Variants in GRAMD2A observed in about 807,000 individuals in gnomAD.
GRAMD2A encodes the protein GRAM domain containing 2A.
GRAMD2A carries 37 observed loss-of-function variants against 51.1 expected under a neutral mutation model. The ratio of observed to expected loss-of-function variants is 0.72; its 90% CI spans 0.56 to 0.95. GRAMD2A has a LOEUF of 0.95. GRAMD2A is among the 40% of genes least tolerant of loss of function. The pLI is 0.00. For synonymous variants in GRAMD2A, 136 were observed against 157.1 expected (o/e 0.87, Z 1.01); for missense variants, 414 against 426.9 (o/e 0.97, Z 0.27).
At chr15:72,195,799 A>G (rs2081800895) in intron 1 of GRAMD2A, among the ~76,000 whole-genome samples, 1 of 152,094 alleles carries the variant, frequency 6.6e-6, no homozygotes, top group African/African-American at 2.4e-5. Flanking sequence ...GCATGCCTGT[A>G]ATCCCACCTA....
At chr15:72,195,710 G>A (rs2081800066) in intron 1 of GRAMD2A, among the ~76,000 whole-genome samples, 2 of 152,166 alleles carry the variant, frequency 1.3e-5, no homozygotes, top group African/African-American at 4.8e-5. Flanking sequence ...ACCTGAGGTC[G>A]AGAGTTGGAG....
rs758961166 is a variant in GRAMD2A at position 72,163,663 on chromosome 15, G to T, written c.695C>A (p.Ser232Tyr). ...PDNIPCIPPS[S>Y]VDSTDSFFPS... ...GAAGAAACTGTCTGTGGAGTCCACG[G>T]ATGATGGAGGGATACAAGGGATGTT... Residue 232 changes from serine (S) to tyrosine (Y), a missense_variant, in exon 9 of 12, where the codon TCC (serine) becomes TAC (tyrosine). By Grantham distance (144) the Ser-to-Tyr change is moderately radical. Coordinates refer to ENST00000309731, the MANE Select transcript of GRAMD2A (RefSeq NM_001012642.3). 6.2e-7 allele frequency: 1 copy of T among 1,609,676 alleles called. No individual in the cohort carries two copies. Among genetic ancestry groups the T allele is most frequent in the South Asian group, 1.1e-5 (1 of 89,970 alleles).
At chr15:72,179,487 G>A (rs1014027271) in intron 1 of GRAMD2A, among the ~76,000 whole-genome samples, 3 of 152,230 alleles carry the variant, frequency 2.0e-5, no homozygotes, top group East Asian at 1.9e-4. Flanking sequence ...GCTCTAGAGC[G>A]AGGGAAGAGG....
At chr15:72,189,229 T>A (rs956482790) in intron 1 of GRAMD2A, among the ~76,000 whole-genome samples, 1 of 152,222 alleles carries the variant, frequency 6.6e-6, no homozygotes, top group Non-Finnish European at 1.5e-5. Flanking sequence ...AAAATCTCAT[T>A]CTTCACTACA....
chr15:72,191,057 C>A (rs1309680781), intron 1 of GRAMD2A, among the ~76,000 whole-genome samples: 2 of 152,138 alleles, frequency 1.3e-5, no homozygotes, highest in African/African-American at 4.8e-5. Flanking sequence ...GATTATAATA[C>A]ACCGAAATGA....
intron 1 of GRAMD2A, among the ~76,000 whole-genome samples, chr15:72,185,099 A>G (rs565058999): frequency 6.6e-6 from 1 of 152,290 alleles, no homozygotes; most frequent in Non-Finnish European, 1.5e-5. Flanking sequence ...GTAAAAATCA[A>G]TCGTTTTCCT....
intron 1 of GRAMD2A, among the ~76,000 whole-genome samples, chr15:72,191,652 C>G (rs2081768972): frequency 6.6e-6 from 1 of 152,152 alleles, no homozygotes; most frequent in African/African-American, 2.4e-5. Flanking sequence ...AGAGAAATAA[C>G]TGATATTATA....
In GRAMD2A at chr15:72,168,585, C is replaced by T. The variant is rs367822623; in HGVS notation, c.193-19G>A. 1.1e-5 allele frequency: 18 copies of T among 1,607,272 alleles called. No individual in the cohort carries two copies. Among genetic ancestry groups the T allele is most frequent in the Middle Eastern group, 1.7e-4 (1 of 5,746 alleles). On this transcript the variant is annotated intron_variant, in intron 3 of 11. Transcript: ENST00000309731. Reference sequence around the variant, plus strand: ...GTGTTATCTGCAAACACACAGGCTGCGTCTGAGAAGCGCTGGGAGATGAGA... The same window carrying T: ...GTGTTATCTGCAAACACACAGGCTGTGTCTGAGAAGCGCTGGGAGATGAGA...
At chr15:72,176,854 C>CTTTTTTTTT (rs60618044) in intron 1 of GRAMD2A, among the ~76,000 whole-genome samples, 1 of 72,174 alleles carries the variant, frequency 1.4e-5, no homozygotes, top group Non-Finnish European at 2.6e-5. Context: ...ACCTGCAGTG[C>CTTTTTTTTT]TTTTTTTTTT....
At chr15:72,172,908 G>C (rs2081624381) in intron 1 of GRAMD2A, among the ~76,000 whole-genome samples, 2 of 152,128 alleles carry the variant, frequency 1.3e-5, no homozygotes, top group South Asian at 4.1e-4. Context: ...TCCTCTCACA[G>C]GACAGGCCTG....
intron 8 of GRAMD2A, 168 bp from the exon 9 acceptor site, chr15:72,163,925 T>C (rs929216499): frequency 1.8e-5 from 11 of 626,430 alleles, no homozygotes; most frequent in South Asian, 1.3e-4. Flanking sequence ...ATAGCAACCA[T>C]ATGCCTCTCC....
In GRAMD2A at chr15:72,188,325, A is replaced by G. The variant is rs141348908; in HGVS notation, c.41+9406T>C. On this transcript the variant is annotated intron_variant, in intron 1 of 11. Transcript: ENST00000309731. ...GCACTCCAGCCTGGGCAACAGAGCTAGACTTCGTCTCAAAGAAAAAAAAAA... is the reference window on the plus strand; with the variant it reads ...GCACTCCAGCCTGGGCAACAGAGCTGGACTTCGTCTCAAAGAAAAAAAAAA... Among the ~76,000 whole-genome samples, 595 of 151,652 alleles carry G rather than the reference A, an allele frequency of 3.9e-3. 4 individuals are homozygous for G. In the East Asian group the frequency reaches 0.052, roughly 13 times the overall value.
intron 4 of GRAMD2A, 46 bp from the exon 5 acceptor site, chr15:72,167,885 A>G: frequency 1.5e-6 from 2 of 1,374,170 alleles, no homozygotes; most frequent in Non-Finnish European, 2.1e-6. Flanking sequence ...AGGTCAGCCC[A>G]GGAAGCCCCA....
Position 72,165,373 on chromosome 15 carries a change from G to C in GRAMD2A, c.581C>G (p.Ser194Ter), listed in dbSNP as rs201316363. Residue 194 changes from serine (S) to a stop codon, truncating the protein, a stop_gained, in exon 8 of 12, where the codon TCA becomes TGA. Coordinates refer to ENST00000309731, the MANE Select transcript of GRAMD2A (RefSeq NM_001012642.3). LOFTEE classifies it high-confidence loss of function. ...SKKSLSVREF[S>*]GEPESLEVLI... ...TCTCACCAGAGACTCAGGTTCCCCT[G>C]AAAATTCTCTTACACTCAGACTCTT... The C allele has an allele frequency of 7.2e-5, 116 of 1,614,066 alleles. No homozygotes were observed. The East Asian group carries it at 7.6e-4, about 11-fold the overall frequency.
chr15:72,180,998 G>A (rs923904144), intron 1 of GRAMD2A, among the ~76,000 whole-genome samples: 2 of 152,218 alleles, frequency 1.3e-5, no homozygotes, highest in African/African-American at 2.4e-5. Flanking sequence ...TTCTGAAGAC[G>A]TACAACATTG....
chr15:72,176,824 G>A (rs1040561073), intron 1 of GRAMD2A, among the ~76,000 whole-genome samples: 8 of 147,504 alleles, frequency 5.4e-5, no homozygotes, highest in South Asian at 2.1e-4. Context: ...AAGTGTAGCC[G>A]CTGGGTGCAC....
In GRAMD2A at chr15:72,162,310, A is replaced by G. The variant is rs750213763; in HGVS notation, c.1024T>C (p.Cys342Arg). ...FRISRLEQQL[C>R]SLSWDDPVPG... Reference sequence around the variant, plus strand: ...ACTGGGTCATCCCAACTCAAGGAGCATAACTGCTGCTCTAGCCGAGAAATA... The same window carrying G: ...ACTGGGTCATCCCAACTCAAGGAGCGTAACTGCTGCTCTAGCCGAGAAATA... Residue 342 changes from cysteine (C) to arginine (R), a missense_variant, in exon 11 of 12, where the codon TGC becomes CGC. Transcript: ENST00000309731. 7 of 1,614,034 alleles carry G rather than the reference A, an allele frequency of 4.3e-6. No individual in the cohort carries two copies. In the South Asian group the frequency reaches 5.5e-5, roughly 13 times the overall value.
chr15:72,170,104 G>A lies in GRAMD2A; in HGVS notation c.42-165C>T. 1 of 710,656 alleles carries A rather than the reference G, an allele frequency of 1.4e-6. No homozygotes were observed. Among genetic ancestry groups the A allele is most frequent in the Non-Finnish European group, 2.6e-6 (1 of 388,288 alleles). The allele number at this position is 710,656 out of a possible 1,614,324, so 44.0% of individuals were successfully genotyped here. A position where few individuals can be genotyped will look rare whatever the true frequency, so the allele number is the denominator to read the frequency against. On this transcript the variant is annotated intron_variant, in intron 1 of 11. Transcript: ENST00000309731. The surrounding 1 kb of genome is among the most constrained non-coding windows in gnomAD (Gnocchi z 4.5). ...CAGTTCAGAGGCAGCAGCGCAGGCA[G>A]AGGTTCTGGGATGGCTGACGGAGTA...
Position 72,166,742 on chromosome 15 carries a change from A to G in GRAMD2A, c.472-39T>C. 5.2e-6 allele frequency: 8 copies of G among 1,550,926 alleles called. No homozygotes were observed. Among genetic ancestry groups the G allele is most frequent in the Non-Finnish European group, 6.2e-6 (7 of 1,125,848 alleles). Reference sequence around the variant, plus strand: ...AGAAAACAGACAGGGGTAGGGTGAGATGAGACTCCTTGCTGTGCCAGCCAG... The same window carrying G: ...AGAAAACAGACAGGGGTAGGGTGAGGTGAGACTCCTTGCTGTGCCAGCCAG... On this transcript the variant is annotated intron_variant, in intron 6 of 11. Coordinates refer to ENST00000309731, the MANE Select transcript of GRAMD2A (RefSeq NM_001012642.3). The surrounding 1 kb of genome is among the most constrained non-coding windows in gnomAD (Gnocchi z 4.1).
Sources: allele counts gnomAD v4.1 joint callset (sites outside exome capture counted in the v4.1 genomes callset), GRCh38; gene constraint gnomAD v4.1.1; non-coding constraint Gnocchi (gnomAD v3.1); transcripts MANE v1.5; gene names NCBI Gene and HGNC (gene_info 2026-07-23, HGNC 2026-07-21).